PILRB: variants seen among roughly 807,000 people sequenced by gnomAD.
PILRB encodes paired immunoglobin like type 2 receptor beta.
Under a neutral mutation model 20.5 loss-of-function variants are expected in PILRB, and 21 were observed. That is an observed-to-expected ratio of 1.02 (90% CI 0.72 to 1.47). The LOEUF (loss-of-function observed/expected upper bound fraction) is 1.47. Ranked by LOEUF, PILRB falls within the 40% of genes most tolerant of loss-of-function variation. The probability of loss-of-function intolerance (pLI) is 0.00; values close to 1 mark genes in which losing one functional copy is unlikely to be tolerated. For missense variants in PILRB, 253 were observed against 272.1 expected (o/e 0.93, Z 0.49); for synonymous variants, 133 against 115.1 (o/e 1.16, Z -0.99).
At chr7:100,363,961 A>G (rs1314076681) in intron 3 of PILRB, among the ~76,000 whole-genome samples, 2 of 152,088 alleles carry the variant, frequency 1.3e-5, no homozygotes, top group African/African-American at 4.8e-5. Context: ...ATACAAAATT[A>G]GCCAGGCGTG....
Position 100,359,432 on chromosome 7 carries a change from CTAAGTCTGGACA to C in PILRB, c.551_562del (p.Leu184_Thr188delinsPro). ...CAAAGGGCACTCAGAATCATGGCAC[CTAAGTCTGGACA>C]CTGCCATCAGGGTTGCATTGGCTGT... is the stretch of plus-strand genomic sequence containing the variant. On this transcript the variant is annotated inframe_deletion, in exon 3 of 4. Coordinates refer to ENST00000609309, the MANE Select transcript of PILRB (RefSeq NM_178238.4). The C allele has an allele frequency of 6.2e-7, 1 of 1,614,190 alleles. No individual in the cohort carries two copies. The highest frequency in any genetic ancestry group is 8.5e-7 in the Non-Finnish European group (1 of 1,180,006).
intron 3 of PILRB, among the ~76,000 whole-genome samples, chr7:100,362,294 A>G (rs1790549659): frequency 6.6e-6 from 1 of 152,208 alleles, no homozygotes; most frequent in Non-Finnish European, 1.5e-5. Flanking sequence ...GCTGGTGAAT[A>G]TTGATGGGAA....
chr7:100,367,620 C>T lies in PILRB; in HGVS notation c.*243C>T, dbSNP rs1188271176. The T allele has an allele frequency of 1.8e-6, 1 of 540,674 alleles. No homozygotes were observed. Among genetic ancestry groups the T allele is most frequent in the African/African-American group, 1.9e-5 (1 of 53,018 alleles). The allele number at this position is 540,674 out of a possible 1,614,324, so 33.5% of individuals were successfully genotyped here. A position where few individuals can be genotyped will look rare whatever the true frequency, so the allele number is the denominator to read the frequency against. On this transcript the variant is annotated 3_prime_UTR_variant, in exon 4 of 4. Coordinates refer to ENST00000609309, the MANE Select transcript of PILRB (RefSeq NM_178238.4). ...CACTGCAATGATATAGGAATGAGGT[C>T]TGAACTCCACTGAATTAAACCACTG... is the stretch of plus-strand genomic sequence containing the variant.
rs142921809 is a variant in PILRB, at chr7:100,367,335, T to C, written c.656-14T>C. On this transcript the variant is annotated splice_polypyrimidine_tract_variant and intron_variant, in intron 3 of 3. Transcript: ENST00000609309. ...ATCCTGGCCCTGCATCTAAAAACAC[T>C]TCCCCTCCTGCAGGTAGCAGGGCGC... The C allele has an allele frequency of 1.7e-3, 1,342 of 780,864 alleles. 8 individuals carry two copies. In the African/African-American group the frequency reaches 0.019, roughly 11 times the overall value. 48.4% of individuals were successfully genotyped at this position (780,864 alleles called of 1,614,324 possible).
rs570006484 is a variant in PILRB at position 100,359,211 on chromosome 7, G to A, written c.455-126G>A. ...CATTTCACCTTGCTACCCCTTCCAT[G>A]TCTGGGCTTCTGAGAGCAGCTTGCT... On this transcript the variant is annotated intron_variant, in intron 2 of 3. Coordinates refer to ENST00000609309, the MANE Select transcript of PILRB (RefSeq NM_178238.4). 6.7e-5 allele frequency: 101 copies of A among 1,502,224 alleles called. 1 individual carries two copies. In the South Asian group the frequency reaches 7.5e-4, roughly 11 times the overall value. 93.1% of individuals were successfully genotyped at this position (1,502,224 alleles called of 1,614,324 possible).
At chr7:100,362,194 A>G (rs1451716691) in intron 3 of PILRB, among the ~76,000 whole-genome samples, 1 of 152,174 alleles carries the variant, frequency 6.6e-6, no homozygotes, top group Non-Finnish European at 1.5e-5. Context: ...GAACACTTCC[A>G]GGTTCATTCT....
At chr7:100,361,139 G>A (rs1232923337) in intron 3 of PILRB, among the ~76,000 whole-genome samples, 1 of 152,024 alleles carries the variant, frequency 6.6e-6, no homozygotes, top group Non-Finnish European at 1.5e-5. Context: ...GTTTCACTCT[G>A]TTAGCCAGGA....
rs201245883 is a variant in PILRB at position 100,358,923 on chromosome 7, A to G, written c.298A>G (p.Asn100Asp). Residue 100 changes from asparagine to aspartate, a missense_variant, in exon 2 of 4, where the codon AAC becomes GAC. Coordinates refer to ENST00000609309, the MANE Select transcript of PILRB (RefSeq NM_178238.4). ...HKDYVNRLFL[N>D]WTEGQESGFL... ...GGATTATGTGAACCGGCTCTTTCTG[A>G]ACTGGACAGAGGGTCAGGAGAGCGG... is the stretch of plus-strand genomic sequence containing the variant. The G allele has an allele frequency of 3.7e-6, 6 of 1,614,112 alleles. No individual in the cohort carries two copies. Among genetic ancestry groups the G allele is most frequent in the Non-Finnish European group, 5.1e-6 (6 of 1,180,010 alleles).
rs761982180 is a variant in PILRB at position 100,358,903 on chromosome 7, A to G, written c.278A>G (p.Tyr93Cys). 1.9e-6 allele frequency: 3 copies of G among 1,614,150 alleles called. No individual in the cohort carries two copies. The highest frequency in any genetic ancestry group is 2.5e-6 in the Non-Finnish European group (3 of 1,180,010). Residue 93 changes from tyrosine (Y) to cysteine (C), a missense_variant, in exon 2 of 4, where the codon TAT becomes TGT. Physicochemically the swap from Tyr to Cys is radical, Grantham distance 194 (BLOSUM62 -2). Transcript: ENST00000609309. ...STRPPSIHKD[Y>C]VNRLFLNWTE... ...AGGCCGCCTTCCATTCACAAGGATT[A>G]TGTGAACCGGCTCTTTCTGAACTGG...
At position 100,360,790 on chromosome 7, in the gene PILRB, G is replaced by A. The variant is rs1015420926; in HGVS notation, c.655+1253G>A. On this transcript the variant is annotated intron_variant, in intron 3 of 3. Coordinates refer to ENST00000609309, the MANE Select transcript of PILRB (RefSeq NM_178238.4). Reference sequence around the variant, plus strand: ...CAATGAGATTGTTAGATTGATGTAGGGGCAAGGGAGCAGGAAGAAGCACCC... The same window carrying A: ...CAATGAGATTGTTAGATTGATGTAGAGGCAAGGGAGCAGGAAGAAGCACCC... Among the ~76,000 whole-genome samples the A allele has an allele frequency of 6.1e-4, 93 of 152,258 alleles. 1 individual carries two copies. The highest frequency in any genetic ancestry group is 2.2e-3 in the African/African-American group (92 of 41,544).
chr7:100,362,849 GAA>G (rs1278887034), intron 3 of PILRB, among the ~76,000 whole-genome samples: 1 of 152,072 alleles, frequency 6.6e-6, no homozygotes, highest in Admixed American at 6.6e-5. Flanking sequence ...ACCAGGAAAA[GAA>G]GGAATGTACA....
intron 3 of PILRB, among the ~76,000 whole-genome samples, chr7:100,363,603 A>G (rs981793735): frequency 3.9e-5 from 6 of 152,228 alleles, no homozygotes; most frequent in African/African-American, 1.4e-4. Context: ...CATGCCACCA[A>G]CAACAATCTC....
chr7:100,366,485 C>T (rs1409304427), intron 3 of PILRB, among the ~76,000 whole-genome samples: 1 of 151,814 alleles, frequency 6.6e-6, no homozygotes, highest in African/African-American at 2.4e-5. Context: ...GACCAGGAGC[C>T]CAGTGCTTGG....
Position 100,367,514 on chromosome 7 carries a change from C to G in PILRB, c.*137C>G. The G allele has an allele frequency of 1.5e-6, 1 of 683,396 alleles. No individual in the cohort carries two copies. Among genetic ancestry groups the G allele is most frequent in the South Asian group, 1.6e-5 (1 of 62,818 alleles). The allele number at this position is 683,396 out of a possible 1,614,324, so 42.3% of individuals were successfully genotyped here. ...CCTGAGGACCTTTAAAAGGCAAAGCCGCAAGGCAGAAGGAGGCTGGGTCCC... is the reference window on the plus strand; with the variant it reads ...CCTGAGGACCTTTAAAAGGCAAAGCGGCAAGGCAGAAGGAGGCTGGGTCCC... On this transcript the variant is annotated 3_prime_UTR_variant, in exon 4 of 4. Coordinates refer to ENST00000609309, the MANE Select transcript of PILRB (RefSeq NM_178238.4).
chr7:100,360,112 G>A (rs1286487857), intron 3 of PILRB, among the ~76,000 whole-genome samples: 4 of 152,272 alleles, frequency 2.6e-5, no homozygotes, highest in African/African-American at 4.8e-5. Context: ...AATCATCCAC[G>A]CTCCCCTGAA....
intron 3 of PILRB, among the ~76,000 whole-genome samples, chr7:100,361,406 T>C (rs1790522359): frequency 6.6e-6 from 1 of 152,124 alleles, no homozygotes; most frequent in Admixed American, 6.5e-5. Context: ...CAAGAAAGTC[T>C]TCAGGCCAGG....
chr7:100,360,877 G>T (rs1205243982), intron 3 of PILRB, among the ~76,000 whole-genome samples: 1 of 152,196 alleles, frequency 6.6e-6, no homozygotes, highest in African/African-American at 2.4e-5. Context: ...AATAGAGGAG[G>T]AGACTATGTT....
intron 3 of PILRB, among the ~76,000 whole-genome samples, chr7:100,360,328 C>T (rs956115936): frequency 8.5e-5 from 13 of 152,164 alleles, no homozygotes; most frequent in African/African-American, 3.1e-4. Flanking sequence ...GGACTAATTG[C>T]TTCATTGAGA....
intron 3 of PILRB, among the ~76,000 whole-genome samples, chr7:100,362,434 A>G (rs1790555580): frequency 6.6e-6 from 1 of 152,192 alleles, no homozygotes; most frequent in South Asian, 2.1e-4. Flanking sequence ...AGTGCACCCC[A>G]TTAGCAGAAT....
Sources: allele counts gnomAD v4.1 joint callset (sites outside exome capture counted in the v4.1 genomes callset), GRCh38; gene constraint gnomAD v4.1.1; transcripts MANE v1.5; gene names NCBI Gene and HGNC (gene_info 2026-07-23, HGNC 2026-07-21).